Variants in HLA-DRB1 observed in about 807,000 individuals in gnomAD.
The protein encoded by HLA-DRB1 is major histocompatibility complex, class II, DR beta 1.
HLA-DRB1 carries 10 observed loss-of-function variants against 27.9 expected under a neutral mutation model. The observed-to-expected ratio is 0.36, with a 90% CI of 0.22 to 0.61. HLA-DRB1 has a LOEUF of 0.61. Ranked by LOEUF, HLA-DRB1 falls within the 20% of genes least tolerant of loss-of-function variation. The pLI is 0.73. For synonymous variants in HLA-DRB1, 57 were observed against 126.7 expected, an observed-to-expected ratio of 0.45 and a Z score of 3.69; for missense variants, 118 against 306.3, an observed-to-expected ratio of 0.39 and a Z score of 4.59.
rs1208512273 is a variant in HLA-DRB1, at chr6:32,582,656, T to C, written c.371-818A>G. On this transcript the variant is annotated intron_variant, in intron 2 of 5. Coordinates refer to ENST00000360004, the Ensembl canonical transcript of HLA-DRB1. ...AAGCAGAGAGAAGGATTAGGGAACG[T>C]CATTTAAGTTTTGAAAGTTCTTATA... 1.1e-4 allele frequency among the ~76,000 whole-genome samples: 11 copies of C among 97,798 alleles called. 2 individuals carry two copies. Among genetic ancestry groups the C allele is most frequent in the East Asian group, 3.1e-4 (1 of 3,204 alleles). 64.2% of individuals were successfully genotyped at this position (97,798 alleles called of 152,430 possible). A position where few individuals can be genotyped will look rare whatever the true frequency, so the allele number is the denominator to read the frequency against.
chr6:32,588,243 T>G (rs17203867), intron 1 of HLA-DRB1, among the ~76,000 whole-genome samples: 2,629 of 141,524 alleles, frequency 0.019, 105 homozygotes, highest in East Asian at 0.039. Context: ...ATTGCTTGAG[T>G]CCAGCAGTTC....
chr6:32,586,847 A>T (rs1171610189), intron 1 of HLA-DRB1, among the ~76,000 whole-genome samples: 3 of 91,428 alleles, frequency 3.3e-5, no homozygotes, highest in Non-Finnish European at 6.8e-5. Context: ...GTCAAAAGAA[A>T]ATCCTTAGGA....
chr6:32,583,281 A>T (rs9269893), intron 2 of HLA-DRB1, among the ~76,000 whole-genome samples: 13,245 of 47,344 alleles, frequency 0.28, 5,519 homozygotes, highest in Non-Finnish European at 0.32. Context: ...GAAACACACA[A>T]TTTCAACTTC....
chr6:32,582,426 T>A (rs34077178), intron 2 of HLA-DRB1, among the ~76,000 whole-genome samples: 15,289 of 105,214 alleles, frequency 0.15, 1,934 homozygotes, highest in Non-Finnish European at 0.15. Flanking sequence ...CTTGTACACC[T>A]TGACAGAAAA....
intron 1 of HLA-DRB1, among the ~76,000 whole-genome samples, chr6:32,589,202 A>C (rs28366201): frequency 0.17 from 17,729 of 106,086 alleles, 32 homozygotes; most frequent in African/African-American, 0.2. Context: ...GCCAACACCA[A>C]AGGTCCTGTG....
intron 1 of HLA-DRB1, among the ~76,000 whole-genome samples, 153 bp downstream of exon 1, chr6:32,589,490 A>G (rs9270281): frequency 0.65 from 56,150 of 86,308 alleles, 20,160 homozygotes; most frequent in Middle Eastern, 0.81. Context: ...AGCTCCTTTT[A>G]TGGAGGAAAT....
exon 2 of HLA-DRB1, chr6:32,584,180 G>C (rs9269942): frequency 0.11 from 98,014 of 860,724 alleles, 11,854 homozygotes; most frequent in Admixed American, 0.26. Context: ...CGCGGCCCGC[G>C]CCTGCTCCAG....
exon 4 of HLA-DRB1, chr6:32,580,850 C>A: frequency 6.2e-7 from 1 of 1,610,800 alleles, no homozygotes; most frequent in Non-Finnish European, 8.5e-7. Flanking sequence ...AGATTCAGAC[C>A]GTGCTCCTGA....
intron 5 of HLA-DRB1, 59 bp downstream of exon 5, chr6:32,580,188 G>GC (rs1775219263): frequency 1.7e-6 from 1 of 596,486 alleles, no homozygotes; most frequent in Non-Finnish European, 2.7e-6. Flanking sequence ...AGTCCAGCTG[G>GC]CTTCACCTCT....
intron 1 of HLA-DRB1, among the ~76,000 whole-genome samples, chr6:32,586,023 G>A (rs542801935): frequency 0.12 from 13,498 of 116,526 alleles, 1,814 homozygotes; most frequent in Non-Finnish European, 0.12. Context: ...AGTAATAACT[G>A]GTATATGCTA....
chr6:32,585,045 G>A (rs1252819183), intron 1 of HLA-DRB1, among the ~76,000 whole-genome samples: 6 of 48,372 alleles, frequency 1.2e-4, no homozygotes, highest in Admixed American at 2.5e-4. Flanking sequence ...ATTTCACTAG[G>A]AACCTGTATT....
rs1272805647 is a variant in HLA-DRB1, at chr6:32,580,985, C to CCAG, written c.653-130_653-129insCTG. 3.5e-3 allele frequency: 1,992 copies of CCAG among 570,108 alleles called. 17 individuals carry two copies. The highest frequency in any genetic ancestry group is 0.011 in the South Asian group (444 of 40,724). 35.3% of individuals were successfully genotyped at this position (570,108 alleles called of 1,614,324 possible). The stretch of plus-strand genomic sequence containing the variant: ...CAAGAACTAAAATAACTAGCCATTT[C>CCAG]AGGAGAAAAAAAGGATTTCAAATTA... On this transcript the variant is annotated intron_variant, in intron 3 of 5. Coordinates refer to ENST00000360004, the Ensembl canonical transcript of HLA-DRB1.
intron 1 of HLA-DRB1, among the ~76,000 whole-genome samples, chr6:32,586,190 C>A (rs1459108802): frequency 7.6e-6 from 1 of 131,850 alleles, no homozygotes; most frequent in Non-Finnish European, 1.6e-5. Flanking sequence ...TCCTCCTTCT[C>A]TTCAGCTTCT....
At chr6:32,584,921 C>G (rs41287328) in intron 1 of HLA-DRB1, among the ~76,000 whole-genome samples, 7,787 of 52,122 alleles carry the variant, frequency 0.15, 793 homozygotes, top group Middle Eastern at 0.2. Context: ...CACACAAGAG[C>G]TTAGACAGCA....
At chr6:32,584,718 T>TG (rs9281877) in intron 1 of HLA-DRB1, among the ~76,000 whole-genome samples, 1 of 51,878 alleles carries the variant, frequency 1.9e-5, no homozygotes. Context: ...AAAGACACTC[T>TG]CTGCTCCTCT....
At chr6:32,581,615 C>G (rs16822972) in exon 3 of HLA-DRB1, 3 of 1,157,198 alleles carry the variant, frequency 2.6e-6, no homozygotes, top group African/African-American at 2.4e-5. Flanking sequence ...AGGTGTAAAC[C>G]TCTCCACTTC....
chr6:32,585,989 T>C (rs34650879), intron 1 of HLA-DRB1, among the ~76,000 whole-genome samples: 866 of 67,396 alleles, frequency 0.013, no homozygotes, highest in East Asian at 0.08. Context: ...TCATTTTATT[T>C]ATCACTCCAT....
intron 1 of HLA-DRB1, among the ~76,000 whole-genome samples, chr6:32,587,005 C>T (rs115736509): frequency 0.015 from 1,097 of 72,460 alleles, 8 homozygotes; most frequent in East Asian, 0.034. Flanking sequence ...TGAAGAATTC[C>T]CTGCTGTGCT....
At chr6:32,582,266 T>G (rs1561806260) in intron 2 of HLA-DRB1, among the ~76,000 whole-genome samples, 1 of 138,336 alleles carries the variant, frequency 7.2e-6, no homozygotes, top group Non-Finnish European at 1.5e-5. Context: ...ATTTACCTCT[T>G]GGGGTTATAT....
Sources: gnomAD v4.1 joint callset for allele counts (sites outside exome capture counted in the v4.1 genomes callset) on GRCh38, gnomAD v4.1.1 for gene constraint, MANE v1.5 for transcripts, NCBI Gene and HGNC (gene_info 2026-07-23, HGNC 2026-07-21) for gene names.